ALDH4A1: variants seen among roughly 807,000 people sequenced by gnomAD.
ALDH4A1 encodes aldehyde dehydrogenase 4 family member A1, also known as delta-1-pyrroline-5-carboxylate dehydrogenase, mitochondrial.
Under a neutral mutation model 70.5 loss-of-function variants are expected in ALDH4A1, and 46 were observed. That is an observed-to-expected ratio of 0.65 (90% confidence interval 0.51 to 0.83). The LOEUF is 0.83. ALDH4A1 is among the 40% of genes least tolerant of loss of function. ALDH4A1 has a pLI of 0.00. For missense variants in ALDH4A1, 749 were observed against 766.5 expected, an observed-to-expected ratio of 0.98 and a Z score of 0.27; for synonymous variants, 323 against 324.3, an observed-to-expected ratio of 1.00 and a Z score of 0.04.
At chr1:18,890,127 C>T in intron 1 of ALDH4A1, 22 bp from the exon 2 acceptor site, 1 of 1,593,186 alleles carries the variant, frequency 6.3e-7, no homozygotes, top group South Asian at 1.1e-5. Context: ...GGGCAGGGGA[C>T]AGAGGCAGAG....
chr1:18,872,916 A>G lies in ALDH4A1; in HGVS notation c.1621T>C (p.Trp541Arg). 1 of 1,614,082 alleles carries G rather than the reference A, an allele frequency of 6.2e-7. No homozygotes were observed. Among genetic ancestry groups the G allele is most frequent in the East Asian group, 2.2e-5 (1 of 44,870 alleles). ...KPGGPHYILR[W>R]TSPQVIKETH... ...TCCTTGATGACCTGCGGCGACGTCC[A>G]GCGCAGGATGTAGTGTGGGCCCCCT... is the stretch of plus-strand genomic sequence containing the variant. The change falls in exon 15 of 15, where the codon TGG (tryptophan) becomes CGG (arginine). Residue 541 changes from tryptophan (W) to arginine (R), a missense_variant. By Grantham distance (101) the Trp-to-Arg change is moderately radical (BLOSUM62 -3). Coordinates refer to ENST00000375341, the MANE Select transcript of ALDH4A1 (RefSeq NM_003748.4).
At chr1:18,879,830 A>T (rs948529184) in intron 8 of ALDH4A1, among the ~76,000 whole-genome samples, 1 of 152,176 alleles carries the variant, frequency 6.6e-6, no homozygotes, top group African/African-American at 2.4e-5. Flanking sequence ...CAGGCCTGAG[A>T]GGCCAAACCG....
In ALDH4A1 at chr1:18,890,001, C is replaced by T. The variant is rs758751085; in HGVS notation, c.156+11G>A. On this transcript the variant is annotated intron_variant, in intron 2 of 14. Transcript: ENST00000375341. ...CCTGCACCTCTCGGGTGCCTCCCAC[C>T]CTCCCATTACCTTTTGCAGGGCATC... The T allele has an allele frequency of 8.1e-6, 13 of 1,597,612 alleles. No individual in the cohort carries two copies. Among genetic ancestry groups the T allele is most frequent in the Non-Finnish European group, 1.1e-5 (13 of 1,171,268 alleles).
chr1:18,885,093 A>C (rs924201448), intron 5 of ALDH4A1, among the ~76,000 whole-genome samples: 1 of 152,034 alleles, frequency 6.6e-6, no homozygotes, highest in Non-Finnish European at 1.5e-5. Flanking sequence ...GGTGGGTCAT[A>C]AGCCAGGAGT....
chr1:18,883,043 G>A lies in ALDH4A1; in HGVS notation c.678+81C>T, dbSNP rs538049181. On this transcript the variant is annotated intron_variant, in intron 7 of 14. Coordinates refer to ENST00000375341, the MANE Select transcript of ALDH4A1 (RefSeq NM_003748.4). Reference sequence around the variant, plus strand: ...CCCCATGACTAGGCTGAGACCCAAGGGGCTCAGGGTGGCCTCTGTCTGTCT... The same window carrying A: ...CCCCATGACTAGGCTGAGACCCAAGAGGCTCAGGGTGGCCTCTGTCTGTCT... The A allele has an allele frequency of 2.8e-5, 45 of 1,581,942 alleles. No individual in the cohort carries two copies. The African/African-American group carries it at 5.5e-4, about 19-fold the overall frequency.
Position 18,885,431 on chromosome 1 carries a change from A to ACCCC in ALDH4A1, c.453+38_453+41dup. ...CATGGGTAGGGCACACCTGACTCCC[A>ACCCC]CCCCACCCCGCCCCACCCACCCGGG... On this transcript the variant is annotated intron_variant, in intron 5 of 14. Coordinates refer to ENST00000375341, the MANE Select transcript of ALDH4A1 (RefSeq NM_003748.4). The ACCCC allele has an allele frequency of 4.0e-5, 19 of 478,964 alleles. 1 individual carries two copies. The highest frequency in any genetic ancestry group is 6.0e-4 in the Middle Eastern group (1 of 1,678). The allele number at this position is 478,964 out of a possible 1,614,324, so 29.7% of individuals were successfully genotyped here.
intron 3 of ALDH4A1, among the ~76,000 whole-genome samples, chr1:18,888,162 C>T (rs1935293809): frequency 1.3e-5 from 2 of 152,220 alleles, no homozygotes; most frequent in Admixed American, 6.5e-5. Flanking sequence ...TGGAACATTT[C>T]TGTCCTCACT....
At chr1:18,897,204 C>A in intron 1 of ALDH4A1, 1 of 434,598 alleles carries the variant, frequency 2.3e-6, no homozygotes, top group Non-Finnish European at 4.7e-6. Context: ...TAGGGATGCT[C>A]AACTTGTTCG....
chr1:18,877,337 C>T, intron 10 of ALDH4A1, 79 bp downstream of exon 10: 2 of 1,554,940 alleles, frequency 1.3e-6, no homozygotes, highest in Non-Finnish European at 1.7e-6. Context: ...ACCCCAGCCC[C>T]GGCTGCAGAG....
Position 18,872,849 on chromosome 1 carries a change from T to C in ALDH4A1, c.1688A>G (p.Gln563Arg). 6.2e-7 allele frequency: 1 copy of C among 1,613,370 alleles called. No individual in the cohort carries two copies. The change falls in exon 15 of 15, where the codon CAG (glutamine) becomes CGG (arginine). Residue 563 changes from glutamine to arginine, a missense_variant. By Grantham distance (43) the Gln-to-Arg change is conservative (BLOSUM62 1). Transcript: ENST00000375341. ...PLGDWSYAYMQ is the reference protein window; with the variant it reads ...PLGDWSYAYMR ...ACGGTGGAGCCCGAGAGGGGCTCAC[T>C]GCATGTACGCGTAGCTCCAGTCCCC...
At chr1:18,873,119 G>C (rs1569709431) in intron 14 of ALDH4A1, among the ~76,000 whole-genome samples, 162 bp from the exon 15 acceptor site, 1 of 152,200 alleles carries the variant, frequency 6.6e-6, no homozygotes. Flanking sequence ...ATGGACAGGA[G>C]ACCCTGCCTC....
At chr1:18,884,451 G>A (rs1410700263) in intron 5 of ALDH4A1, among the ~76,000 whole-genome samples, 1 of 152,046 alleles carries the variant, frequency 6.6e-6, no homozygotes, top group Admixed American at 6.6e-5. Flanking sequence ...AGGTCCTGGA[G>A]GTGGTGAAAT....
intron 13 of ALDH4A1, among the ~76,000 whole-genome samples, chr1:18,875,018 G>C (rs182425949): frequency 6.6e-5 from 10 of 152,374 alleles, no homozygotes; most frequent in African/African-American, 2.4e-4. Flanking sequence ...ACCCAGGTTC[G>C]AATCCTGCCT....
At chr1:18,885,922 A>G (rs765934994) in intron 4 of ALDH4A1, among the ~76,000 whole-genome samples, 1 of 152,152 alleles carries the variant, frequency 6.6e-6, no homozygotes, top group Non-Finnish European at 1.5e-5. Flanking sequence ...TGGTCTAATC[A>G]AAACCTTACC....
intron 7 of ALDH4A1, 64 bp from the exon 8 acceptor site, chr1:18,881,951 C>G (rs28673930): frequency 6.8e-7 from 1 of 1,469,788 alleles, no homozygotes; most frequent in Non-Finnish European, 9.3e-7. Flanking sequence ...CCCCACCCCA[C>G]CCTACCCTAC....
At chr1:18,875,255 C>T in intron 13 of ALDH4A1, 127 bp downstream of exon 13, 1 of 1,498,506 alleles carries the variant, frequency 6.7e-7, no homozygotes, top group South Asian at 1.1e-5. Context: ...CCTGTCTGGG[C>T]TGAGGGGAGG....
At chr1:18,887,195 C>G (rs1935236231) in intron 3 of ALDH4A1, among the ~76,000 whole-genome samples, 1 of 152,256 alleles carries the variant, frequency 6.6e-6, no homozygotes, top group Non-Finnish European at 1.5e-5. Context: ...TGTCAGCTCC[C>G]CGCTATTTTG....
chr1:18,895,859 G>A (rs1001312170), intron 1 of ALDH4A1, among the ~76,000 whole-genome samples: 7 of 152,192 alleles, frequency 4.6e-5, no homozygotes, highest in Admixed American at 1.3e-4. Flanking sequence ...GGTCCACACC[G>A]CAACCAAAGT....
At chr1:18,889,320 AT>A (rs1368196595) in intron 3 of ALDH4A1, 41 bp downstream of exon 3, 2 of 1,515,216 alleles carry the variant, frequency 1.3e-6, no homozygotes, top group Non-Finnish European at 1.8e-6. Context: ...GAGGTCACAT[AT>A]TCAGGGGAGG....
Sources: gnomAD v4.1 joint callset for allele counts (sites outside exome capture counted in the v4.1 genomes callset) on GRCh38, gnomAD v4.1.1 for gene constraint, MANE v1.5 for transcripts, NCBI Gene and HGNC (gene_info 2026-07-23, HGNC 2026-07-21) for gene names.